Variants in MRTFB observed in about 807,000 individuals in gnomAD.
MRTFB encodes the protein myocardin related transcription factor B.
MRTFB carries 29 observed loss-of-function variants against 104.2 expected under a neutral mutation model. The observed-to-expected ratio is 0.28, with a 90% CI of 0.21 to 0.38. MRTFB has a LOEUF of 0.38. Among genes scored for constraint, MRTFB ranks in the 10% least tolerant of loss-of-function variants. The pLI is 1.00. For missense variants in MRTFB, 1,270 were observed against 1,341.6 expected, an observed-to-expected ratio of 0.95 and a Z score of 0.83; for synonymous variants, 535 against 519.5, an observed-to-expected ratio of 1.03 and a Z score of -0.41.
chr16:14,000,288 C>T, the MRTFB span, among the ~76,000 whole-genome samples: 28 of 152,310 alleles, frequency 1.8e-4, 4 homozygotes, highest in Admixed American at 1.4e-3. Context: ...CAGCCCCCGG[C>T]GGGGGAGGAG....
intron 16 of MRTFB, 118 bp downstream of exon 16, chr16:14,258,279 C>T (rs1025384471): frequency 1.3e-5 from 10 of 767,286 alleles, no homozygotes; most frequent in Non-Finnish European, 1.9e-5. Context: ...GTTCTTCTAA[C>T]TGAATTTACT....
intron 13 of MRTFB, among the ~76,000 whole-genome samples, chr16:14,250,830 T>G (rs2043223666): frequency 6.6e-6 from 1 of 152,186 alleles, no homozygotes; most frequent in African/African-American, 2.4e-5. Context: ...GTCGCTGAGA[T>G]GTGTGAACAC....
chr16:14,022,247 G>A, the MRTFB span, among the ~76,000 whole-genome samples: 1 of 152,144 alleles, frequency 6.6e-6, no homozygotes, highest in Admixed American at 6.5e-5. Context: ...TGGAATAACA[G>A]GATTTTTACC....
chr16:13,999,322 G>C, the MRTFB span, among the ~76,000 whole-genome samples: 1 of 151,822 alleles, frequency 6.6e-6, no homozygotes, highest in African/African-American at 2.4e-5. Flanking sequence ...TTTCCTTTTG[G>C]GGACAATGCC....
intron 2 of MRTFB, among the ~76,000 whole-genome samples, chr16:14,121,731 C>T (rs72783491): frequency 0.029 from 4,418 of 152,034 alleles, 110 homozygotes; most frequent in Non-Finnish European, 0.044. Context: ...AAAAATTTGA[C>T]GCAATACCAA....
At chr16:14,243,388 C>T (rs1405709987) in intron 10 of MRTFB, among the ~76,000 whole-genome samples, 2 of 152,194 alleles carry the variant, frequency 1.3e-5, no homozygotes. Flanking sequence ...GCTGTCACCC[C>T]GTAGGCACTG....
chr16:14,217,628 C>CA (rs1454810986), intron 7 of MRTFB, among the ~76,000 whole-genome samples: 2 of 152,124 alleles, frequency 1.3e-5, no homozygotes, highest in Admixed American at 1.3e-4. Context: ...AAAGTCATAC[C>CA]AGTGCAAAAT....
At chr16:14,062,331 T>C in the MRTFB span, among the ~76,000 whole-genome samples, 3 of 152,168 alleles carry the variant, frequency 2.0e-5, no homozygotes, top group Non-Finnish European at 4.4e-5. Flanking sequence ...AACTCCAGGC[T>C]TCAAGTGATC....
chr16:14,116,374 G>A (rs1417353220), intron 2 of MRTFB, among the ~76,000 whole-genome samples: 2 of 152,056 alleles, frequency 1.3e-5, no homozygotes, highest in Non-Finnish European at 2.9e-5. Context: ...CGTTGTGTTT[G>A]GGCAATGTCT....
chr16:14,040,994 A>G, the MRTFB span, among the ~76,000 whole-genome samples: 1 of 152,142 alleles, frequency 6.6e-6, no homozygotes, highest in South Asian at 2.1e-4. Flanking sequence ...TTAGCTGAGC[A>G]TGGTGGTACA....
At position 14,077,608 on chromosome 16, in the gene MRTFB, C is replaced by G. The variant is rs531294489; in HGVS notation, c.-128-1682C>G. Among the ~76,000 whole-genome samples, 4 of 149,170 alleles carry G rather than the reference C, an allele frequency of 2.7e-5. No individual in the cohort carries two copies. In the East Asian group the frequency reaches 6.2e-4, roughly 23 times the overall value. On this transcript the variant is annotated intron_variant, in intron 1 of 16. Coordinates refer to ENST00000571589, the MANE Select transcript of MRTFB (RefSeq NM_001308142.2). ...TTCCAGAAAACACTTTTTAAAGAAT[C>G]AAGATCATGTTAAGTTTATGAACTT...
At chr16:14,231,934 A>G (rs2042287339) in intron 8 of MRTFB, among the ~76,000 whole-genome samples, 1 of 152,204 alleles carries the variant, frequency 6.6e-6, no homozygotes, top group Admixed American at 6.5e-5. Flanking sequence ...ACTGTATTTC[A>G]GTTGGGTTAT....
At chr16:14,146,285 G>A (rs2038310034) in intron 3 of MRTFB, among the ~76,000 whole-genome samples, 2 of 152,126 alleles carry the variant, frequency 1.3e-5, no homozygotes, top group South Asian at 4.2e-4. Context: ...TTCAAACTCT[G>A]TTCACTATGA....
intron 15 of MRTFB, among the ~76,000 whole-genome samples, chr16:14,256,191 T>TAAAAAAAA (rs2043480869): frequency 2.2e-5 from 1 of 45,018 alleles, no homozygotes; most frequent in African/African-American, 1.6e-4. Flanking sequence ...AAAAACAGGA[T>TAAAAAAAA]AACAAAAAAA....
chr16:14,209,904 T>G (rs559535756), intron 3 of MRTFB, among the ~76,000 whole-genome samples: 4 of 152,362 alleles, frequency 2.6e-5, no homozygotes, highest in Non-Finnish European at 4.4e-5. Context: ...CGTCTCTTAT[T>G]TCTATAAATT....
At chr16:14,058,712 G>GTTTTTTTTTTTTTTTTTTT in the MRTFB span, among the ~76,000 whole-genome samples, 1 of 86,846 alleles carries the variant, frequency 1.2e-5, no homozygotes, top group Non-Finnish European at 2.2e-5. Flanking sequence ...ATTTGTATTT[G>GTTTTTTTTTTTTTTTTTTT]TTTTTTTTTT....
Position 14,102,872 on chromosome 16 carries a change from A to G in MRTFB, c.-64+23518A>G, listed in dbSNP as rs543753033. 4.6e-5 allele frequency among the ~76,000 whole-genome samples: 7 copies of G among 152,188 alleles called. No individual in the cohort carries two copies. The South Asian group carries it at 6.2e-4, about 14-fold the overall frequency. On this transcript the variant is annotated intron_variant, in intron 2 of 16. Transcript: ENST00000571589. ...TACTTTAGAATGTGCAGTTTTCTCT[A>G]TCTGGGGGCATGCTGTTGCATTAGC... is the stretch of plus-strand genomic sequence containing the variant.
At chr16:14,140,462 C>G (rs2037937545) in intron 2 of MRTFB, 82 bp from the exon 3 acceptor site, 4 of 994,124 alleles carry the variant, frequency 4.0e-6, no homozygotes, top group Admixed American at 2.6e-5. Context: ...GGACTAGAAC[C>G]CAGGATTCCC....
At chr16:14,077,741 G>A (rs1016222683) in intron 1 of MRTFB, among the ~76,000 whole-genome samples, 1 of 152,042 alleles carries the variant, frequency 6.6e-6, no homozygotes, top group South Asian at 2.1e-4. Context: ...GAAACTCATC[G>A]CTTAGTGCCC....
Sources: gnomAD v4.1 joint callset for allele counts (sites outside exome capture counted in the v4.1 genomes callset) on GRCh38, gnomAD v4.1.1 for gene constraint, MANE v1.5 for transcripts, NCBI Gene and HGNC (gene_info 2026-07-23, HGNC 2026-07-21) for gene names.